Variants in TTN observed in about 807,000 individuals in gnomAD.
TTN encodes titin, also known as connectin.
A neutral mutation model predicts 3,223.0 loss-of-function variants in TTN; 1,525 were observed. The observed-to-expected ratio is 0.47, with a 90% CI of 0.45 to 0.49. The LOEUF is 0.49. Among genes scored for constraint, TTN ranks in the 20% least tolerant of loss-of-function variants. The pLI is 0.00. For synonymous variants in TTN, 14,094 were observed against 15,161.0 expected (o/e 0.93, Z 5.17); for missense variants, 40,786 against 43,424.0 (o/e 0.94, Z 5.40).
chr2:178,697,675 G>A (rs1417579318), intron 112 of TTN, among the ~76,000 whole-genome samples: 1 of 152,094 alleles, frequency 6.6e-6, no homozygotes, highest in Non-Finnish European at 1.5e-5. Flanking sequence ...GGAGGTTGCT[G>A]TACTCTAATC....
chr2:178,773,880 GA>G lies in TTN; in HGVS notation c.7287del (p.Pro2430GlnfsTer18). On this transcript the variant is annotated frameshift_variant, in exon 31 of 363. Transcript: ENST00000589042. LOFTEE classifies it high-confidence loss of function. ...CCACTGGTGGAGAGGCCAAGGGCTG[GA>G]ATGGTGAAAGAGTAATTTCCAGCAT... ...KEDAGNYSFTIPALGLSTSGR... is the reference protein window; with the variant it reads ...KEDAGNYSFTXPALGLSTSGR... 1 of 1,614,120 alleles carries G rather than the reference GA, an allele frequency of 6.2e-7. No individual in the cohort carries two copies. The highest frequency in any genetic ancestry group is 1.1e-5 in the South Asian group (1 of 91,076).
intron 163 of TTN, among the ~76,000 whole-genome samples, chr2:178,666,111 G>A (rs540617228): frequency 1.2e-4 from 19 of 152,148 alleles, no homozygotes; most frequent in South Asian, 8.3e-4. Context: ...CAGCCACTTC[G>A]AAAAATCTAG....
rs201804005 is a variant in TTN at position 178,572,528 on chromosome 2, G to T, written c.73604C>A (p.Ser24535Tyr). The change falls in exon 326 of 363, where the codon TCT (serine) becomes TAT (tyrosine). Residue 24535 changes from serine to tyrosine, a missense_variant. Coordinates refer to ENST00000589042, the MANE Select transcript of TTN (RefSeq NM_001267550.2). ...AGGTGGGTCCCATGTGAGTGTGACA[G>T]ATGTCTTAGTGACCTCTTTTACCTT... ...DLKVKEVTKT[S>Y]VTLTWDPPLL... 3.2e-4 allele frequency: 521 copies of T among 1,613,452 alleles called. 3 individuals carry two copies. The highest frequency in any genetic ancestry group is 1.7e-4 in the Middle Eastern group (1 of 6,052).
rs770769474 is a variant in TTN at position 178,550,219 on chromosome 2, G to A, written c.91619C>T (p.Ser30540Phe). 7 of 1,613,368 alleles carry A rather than the reference G, an allele frequency of 4.3e-6. No individual in the cohort carries two copies. The Admixed American group carries it at 6.7e-5, about 15-fold the overall frequency. The change falls in exon 337 of 363, where the codon TCC (serine) becomes TTC (phenylalanine). Residue 30540 changes from serine to phenylalanine, a missense_variant. Coordinates refer to ENST00000589042, the MANE Select transcript of TTN (RefSeq NM_001267550.2). ...AGCTTTAATTCTAAGGCTCTCTCCG[G>A]ACTTAATAATGAGACCATCAAAGTA... ...PEYFDGLIIK[S>F]GESLRIKALV... is the part of the protein sequence containing the mutation.
In TTN at chr2:178,589,627, T is replaced by C. The variant is rs151193056; in HGVS notation, c.62098A>G (p.Asn20700Asp). The change falls in exon 304 of 363, where the codon AAT becomes GAT. Residue 20700 changes from asparagine (N) to aspartate (D), a missense_variant. Transcript: ENST00000589042. ...CTTCTCTCAACATGATATGACAGAT[T>C]TGGACTGCCACCATCATAGTCAGGC... Reference protein sequence around the residue: ...RRPDYDGGSPNLSYHVERRLK... With the variant: ...RRPDYDGGSPDLSYHVERRLK... 58 of 1,613,368 alleles carry C rather than the reference T, an allele frequency of 3.6e-5. No individual in the cohort carries two copies. In the African/African-American group the frequency reaches 7.5e-4, roughly 21 times the overall value.
Position 178,621,461 on chromosome 2 carries a change from T to C in TTN, c.45349+14A>G. On this transcript the variant is annotated intron_variant, in intron 245 of 362. Transcript: ENST00000589042. Reference sequence around the variant, plus strand: ...TTGTTAGAAATAAAAGATTATTCACTGTAGTTTTCATACCATGTACTTTGA... The same window carrying C: ...TTGTTAGAAATAAAAGATTATTCACCGTAGTTTTCATACCATGTACTTTGA... The C allele has an allele frequency of 6.2e-7, 1 of 1,608,846 alleles. No homozygotes were observed. Among genetic ancestry groups the C allele is most frequent in the East Asian group, 2.2e-5 (1 of 44,600 alleles).
Position 178,725,386 on chromosome 2 carries a change from C to A in TTN, c.20818G>T (p.Ala6940Ser). 1 of 1,582,220 alleles carries A rather than the reference C, an allele frequency of 6.3e-7. No individual in the cohort carries two copies. Among genetic ancestry groups the A allele is most frequent in the Non-Finnish European group, 8.6e-7 (1 of 1,162,674 alleles). ...KNDGGMRENM[A>S]TLMVLEPAVI... ...TACCAACCTAAGACCATCAGTGTGG[C>A]CATGTTCTCCCTCATTCCACCATCA... The change falls in exon 71 of 363, where the codon GCC becomes TCC. Residue 6940 changes from alanine to serine, a missense_variant. Ala to Ser is a moderately conservative substitution (Grantham distance 99). Transcript: ENST00000589042.
rs749216349 is a variant in TTN at position 178,685,541 on chromosome 2, C to A, written c.32369G>T (p.Arg10790Ile). ...ACCTTCAGCTGGCTCAGCTTCCACTCTCTTAGAAATAATGTGCAGCTTTTC... is the reference window on the plus strand; with the variant it reads ...ACCTTCAGCTGGCTCAGCTTCCACTATCTTAGAAATAATGTGCAGCTTTTC... Reference protein sequence around the residue: ...VEEKLHIISKRVEAEPAEVTE... With the variant: ...VEEKLHIISKIVEAEPAEVTE... Residue 10790 changes from arginine to isoleucine, a missense_variant, in exon 128 of 363, where the codon AGA becomes ATA. Physicochemically the swap from Arg to Ile is moderately conservative, Grantham distance 97. Coordinates refer to ENST00000589042, the MANE Select transcript of TTN (RefSeq NM_001267550.2). 2 of 1,613,498 alleles carry A rather than the reference C, an allele frequency of 1.2e-6. No individual in the cohort carries two copies. The highest frequency in any genetic ancestry group is 1.7e-6 in the Non-Finnish European group (2 of 1,179,692).
intron 165 of TTN, 142 bp from the exon 166 acceptor site, chr2:178,665,068 A>C (rs2065667881): frequency 9.6e-7 from 1 of 1,041,862 alleles, no homozygotes; most frequent in South Asian, 1.6e-5. Context: ...AAGTCTTTTA[A>C]GGGGTTAGTG....
chr2:178,568,893 C>G lies in TTN; in HGVS notation c.77239G>C (p.Glu25747Gln), dbSNP rs762636595. 3 of 1,613,250 alleles carry G rather than the reference C, an allele frequency of 1.9e-6. No individual in the cohort carries two copies. The highest frequency in any genetic ancestry group is 1.1e-5 in the South Asian group (1 of 91,052). The change falls in exon 326 of 363, where the codon GAG (glutamate) becomes CAG (glutamine). Residue 25747 changes from glutamate to glutamine, a missense_variant. Coordinates refer to ENST00000589042, the MANE Select transcript of TTN (RefSeq NM_001267550.2). Reference sequence around the variant, plus strand: ...TGAAGAGACTTTACTCGAGCACACTCTGACCATTTCTCACTGTGTTTAGCT... The same window carrying G: ...TGAAGAGACTTTACTCGAGCACACTGTGACCATTTCTCACTGTGTTTAGCT... The part of the protein sequence containing the change: ...MQAKHSEKWS[E>Q]CARVKSLQAV...
intron 271 of TTN, 47 bp downstream of exon 271, chr2:178,610,043 T>A: frequency 6.2e-7 from 1 of 1,611,010 alleles, no homozygotes. Flanking sequence ...AAAACAAAAC[T>A]ATGGTTTATT....
At position 178,588,639 on chromosome 2, in the gene TTN, A is replaced by G; in HGVS notation, c.63086T>C (p.Leu21029Pro). The change falls in exon 304 of 363, where the codon CTC becomes CCC. Residue 21029 changes from leucine (L) to proline (P), a missense_variant. By Grantham distance (98) the Leu-to-Pro change is moderately conservative. Transcript: ENST00000589042. ...ACGGAACTGATATTCATGGTCTGGG[A>G]GGAGATTCTGTACTTTCATACGTCT... ...PERRMKVQNL[L>P]PDHEYQFRVK... 2 of 1,606,682 alleles carry G rather than the reference A, an allele frequency of 1.2e-6. No homozygotes were observed. Among genetic ancestry groups the G allele is most frequent in the Non-Finnish European group, 1.7e-6 (2 of 1,176,922 alleles).
chr2:178,527,909 G>A, intron 361 of TTN, 161 bp from the exon 362 acceptor site: 1 of 625,928 alleles, frequency 1.6e-6, no homozygotes, highest in Non-Finnish European at 2.6e-6. Context: ...ACATACATTT[G>A]TCAAGAGCTA....
rs73036399 is a variant in TTN at position 178,615,215 on chromosome 2, T to A, written c.48638+92A>T. The A allele has an allele frequency of 4.2e-3, 6,105 of 1,467,302 alleles. 163 individuals carry two copies. The African/African-American group carries it at 0.065, about 16-fold the overall frequency. 90.9% of individuals were successfully genotyped at this position (1,467,302 alleles called of 1,614,324 possible). A position where few individuals can be genotyped will look rare whatever the true frequency, so the allele number is the denominator to read the frequency against. Reference sequence around the variant, plus strand: ...TACACCGGCAGCATAGGATTCTCAATGAAAAAAGACAAACATTTAAATTTT... The same window carrying A: ...TACACCGGCAGCATAGGATTCTCAAAGAAAAAAGACAAACATTTAAATTTT... On this transcript the variant is annotated intron_variant, in intron 259 of 362. Coordinates refer to ENST00000589042, the MANE Select transcript of TTN (RefSeq NM_001267550.2).
chr2:178,591,866 G>A lies in TTN; in HGVS notation c.59953C>T (p.His19985Tyr). ...TCAGTCTTGTCAACATCTACATGGTGCAGGTCCTTGGGTGGCCCTGGGGGA... is the reference window on the plus strand; with the variant it reads ...TCAGTCTTGTCAACATCTACATGGTACAGGTCCTTGGGTGGCCCTGGGGGA... ...LHPPGPPKDLHHVDVDKTEVS... is the reference protein window; with the variant it reads ...LHPPGPPKDLYHVDVDKTEVS... Residue 19985 changes from histidine to tyrosine, a missense_variant, in exon 303 of 363, where the codon CAC (histidine) becomes TAC (tyrosine). His to Tyr is a moderately conservative substitution (Grantham distance 83, BLOSUM62 2). Transcript: ENST00000589042. 6.2e-7 allele frequency: 1 copy of A among 1,612,694 alleles called. No homozygotes were observed. Among genetic ancestry groups the A allele is most frequent in the Non-Finnish European group, 8.5e-7 (1 of 1,179,436 alleles).
Position 178,728,933 on chromosome 2 carries a change from C to T in TTN, c.19105G>A (p.Glu6369Lys), listed in dbSNP as rs776552344. ...SGRYTCQAKN[E>K]SGVERCYAFL... ...GCATAACACCTCTCAACTCCTGACT[C>T]ATTCTTGGCTTGACAGGTATATCTC... is the stretch of plus-strand genomic sequence containing the variant. The change falls in exon 65 of 363, where the codon GAG (glutamate) becomes AAG (lysine). Residue 6369 changes from glutamate (E) to lysine (K), a missense_variant. Glu to Lys is a moderately conservative substitution (Grantham distance 56). Coordinates refer to ENST00000589042, the MANE Select transcript of TTN (RefSeq NM_001267550.2). 6.2e-7 allele frequency: 1 copy of T among 1,611,316 alleles called. No individual in the cohort carries two copies. Among genetic ancestry groups the T allele is most frequent in the South Asian group, 1.1e-5 (1 of 90,660 alleles).
chr2:178,734,243 G>A, intron 52 of TTN, 85 bp downstream of exon 52: 2 of 1,449,014 alleles, frequency 1.4e-6, no homozygotes, highest in South Asian at 3.0e-5. Flanking sequence ...TAGGACAAGA[G>A]AAGAAAGTAC....
chr2:178,769,837 A>C lies in TTN; in HGVS notation c.8744T>G (p.Leu2915Arg). The change falls in exon 37 of 363, where the codon CTG (leucine) becomes CGG (arginine). Residue 2915 changes from leucine to arginine, a missense_variant. Coordinates refer to ENST00000589042, the MANE Select transcript of TTN (RefSeq NM_001267550.2). The part of the protein sequence containing the change: ...VSHFNVPSMW[L>R]KNGVEIEMSE... ...CATCTCAATTTCCACACCATTCTTC[A>C]GCCACATGGAAGGGACATTGAAGTG... 6.2e-7 allele frequency: 1 copy of C among 1,614,060 alleles called. No homozygotes were observed. Among genetic ancestry groups the C allele is most frequent in the Non-Finnish European group, 8.5e-7 (1 of 1,179,986 alleles).
Position 178,767,760 on chromosome 2 carries a change from T to C in TTN, c.9470A>G (p.Gln3157Arg). 1.9e-6 allele frequency: 3 copies of C among 1,613,972 alleles called. No individual in the cohort carries two copies. The highest frequency in any genetic ancestry group is 1.1e-5 in the South Asian group (1 of 91,084). ...VRIRSIKKEV[Q>R]VIEKQRAVVE... ...AAACATTTAGTATGTAGACAATACC[T>C]GAACCTCCTTTTTAATACTTCGGAT... The change falls in exon 40 of 363, where the codon CAG becomes CGG. Residue 3157 changes from glutamine (Q) to arginine (R), a missense_variant and splice_region_variant. Transcript: ENST00000589042.
Sources: gnomAD v4.1 joint callset for allele counts (sites outside exome capture counted in the v4.1 genomes callset) on GRCh38, gnomAD v4.1.1 for gene constraint, MANE v1.5 for transcripts, NCBI Gene and HGNC (gene_info 2026-07-23, HGNC 2026-07-21) for gene names.